Variants in FAM210A observed in about 807,000 individuals in gnomAD.
FAM210A encodes mitochondrial inner membrane scaffold 1, also known as family with sequence similarity 210 member A.
A neutral mutation model predicts 25.3 loss-of-function variants in FAM210A; 13 were observed. That is an observed-to-expected ratio of 0.51 (90% CI 0.33 to 0.82). The LOEUF is 0.82. Ranked by LOEUF, FAM210A falls within the 40% of genes least tolerant of loss-of-function variation. The pLI is 0.02. For missense variants in FAM210A, 319 were observed against 323.2 expected (o/e 0.99, Z 0.10); for synonymous variants, 125 against 118.7 (o/e 1.05, Z -0.35).
chr18:13,681,452 GTTAGCTA>G (rs1236825882), intron 2 of FAM210A, among the ~76,000 whole-genome samples, 146 bp downstream of exon 2: 2 of 152,174 alleles, frequency 1.3e-5, no homozygotes, highest in Non-Finnish European at 2.9e-5. Flanking sequence ...GTAAGCAAAT[GTTAGCTA>G]TTATTATTAA....
intron 1 of FAM210A, among the ~76,000 whole-genome samples, chr18:13,684,831 TA>T (rs2043583308): frequency 6.6e-6 from 1 of 151,980 alleles, no homozygotes; most frequent in South Asian, 2.1e-4. Context: ...TAACAAATTC[TA>T]AAAAATGAAA....
chr18:13,712,543 A>G (rs976262201), intron 1 of FAM210A, among the ~76,000 whole-genome samples: 1 of 152,152 alleles, frequency 6.6e-6, no homozygotes, highest in Admixed American at 6.5e-5. Flanking sequence ...TGATTAGGTC[A>G]TGAGGGCAGA....
chr18:13,699,776 G>A (rs1288519614), intron 1 of FAM210A, among the ~76,000 whole-genome samples: 1 of 152,178 alleles, frequency 6.6e-6, no homozygotes, highest in Non-Finnish European at 1.5e-5. Flanking sequence ...AGCTGGTTAA[G>A]TGTCTAGCAC....
chr18:13,691,722 A>T (rs1372840831), intron 1 of FAM210A, among the ~76,000 whole-genome samples: 2 of 148,452 alleles, frequency 1.3e-5, no homozygotes, highest in Non-Finnish European at 3.0e-5. Context: ...TGTCACCACC[A>T]GGCCTGCCTT....
chr18:13,694,652 C>G (rs1409551946), intron 1 of FAM210A, among the ~76,000 whole-genome samples: 2 of 152,196 alleles, frequency 1.3e-5, no homozygotes, highest in East Asian at 3.8e-4. Flanking sequence ...GCTGGGAAAA[C>G]TGGCTAGCCA....
At chr18:13,718,794 T>C (rs183244353) in intron 1 of FAM210A, among the ~76,000 whole-genome samples, 237 of 152,340 alleles carry the variant, frequency 1.6e-3, no homozygotes, top group African/African-American at 5.3e-3. Flanking sequence ...AAATTATACA[T>C]ATATTTTACA....
chr18:13,666,691 G>A lies in FAM210A; in HGVS notation c.608C>T (p.Thr203Ile). 1 of 1,613,852 alleles carries A rather than the reference G, an allele frequency of 6.2e-7. No homozygotes were observed. The highest frequency in any genetic ancestry group is 1.1e-5 in the South Asian group (1 of 91,026). The change falls in exon 4 of 4, where the codon ACC becomes ATC. Residue 203 changes from threonine (T) to isoleucine (I), a missense_variant. By Grantham distance (89) the Thr-to-Ile change is moderately conservative (BLOSUM62 -1). Transcript: ENST00000651643. ...GACAGATGTTCCTCCCAAAGTCACG[G>A]TATACCGAGCAGGTGTTGCAATCTT... Reference protein sequence around the residue: ...LFKIATPARYTVTLGGTSVTV... With the variant: ...LFKIATPARYIVTLGGTSVTV...
intron 1 of FAM210A, among the ~76,000 whole-genome samples, chr18:13,689,689 G>A (rs1045148573): frequency 6.6e-6 from 1 of 152,128 alleles, no homozygotes; most frequent in Non-Finnish European, 1.5e-5. Flanking sequence ...AATTTAAAAA[G>A]TATACCGATT....
At chr18:13,671,670 CAA>C (rs2043443421) in intron 3 of FAM210A, among the ~76,000 whole-genome samples, 190 bp downstream of exon 3, 1 of 132,454 alleles carries the variant, frequency 7.5e-6, no homozygotes, top group Non-Finnish European at 1.6e-5. Context: ...GCCTGGCAAA[CAA>C]GAGCGAAACT....
Position 13,667,158 on chromosome 18 carries a change from C to T in FAM210A, c.586-445G>A, listed in dbSNP as rs1163538188. Among the ~76,000 whole-genome samples the T allele has an allele frequency of 3.3e-5, 5 of 152,202 alleles. No individual in the cohort carries two copies. In the South Asian group the frequency reaches 1.0e-3, roughly 31 times the overall value. On this transcript the variant is annotated intron_variant, in intron 3 of 3. Coordinates refer to ENST00000651643, the MANE Select transcript of FAM210A (RefSeq NM_152352.4). ...AATGGTGAGAGGCAGAGCATGAAAC[C>T]ACTCTCTGTTGGGATTTAGGTTAGC... is the stretch of plus-strand genomic sequence containing the variant.
intron 1 of FAM210A, among the ~76,000 whole-genome samples, chr18:13,686,992 A>T (rs1041102021): frequency 6.6e-6 from 1 of 152,234 alleles, no homozygotes. Flanking sequence ...TCTTATCAAC[A>T]TAGAAAGTAA....
intron 1 of FAM210A, among the ~76,000 whole-genome samples, chr18:13,707,296 T>C (rs910072721): frequency 6.6e-6 from 1 of 152,218 alleles, no homozygotes; most frequent in Non-Finnish European, 1.5e-5. Context: ...ACTGAGCTCA[T>C]GCACTAGGCC....
At chr18:13,686,863 AT>A (rs1293327064) in intron 1 of FAM210A, among the ~76,000 whole-genome samples, 1 of 152,238 alleles carries the variant, frequency 6.6e-6, no homozygotes, top group African/African-American at 2.4e-5. Flanking sequence ...TAAGGAAAAA[AT>A]AATACAATTC....
Position 13,666,653 on chromosome 18 carries a change from G to T in FAM210A, c.646C>A (p.Leu216Met). 1 of 1,614,210 alleles carries T rather than the reference G, an allele frequency of 6.2e-7. No homozygotes were observed. Among genetic ancestry groups the T allele is most frequent in the Non-Finnish European group, 8.5e-7 (1 of 1,180,050 alleles). ...LGGTSVTVKY[L>M]RSHGYMSTPP... ...GTGGACATGTAGCCATGACTGCGCA[G>T]ATACTTCACAGTGACAGATGTTCCT... The change falls in exon 4 of 4, where the codon CTG (leucine) becomes ATG (methionine). Residue 216 changes from leucine to methionine, a missense_variant. Coordinates refer to ENST00000651643, the MANE Select transcript of FAM210A (RefSeq NM_152352.4).
intron 1 of FAM210A, chr18:13,715,071 T>C (rs1371863050): frequency 6.6e-6 from 1 of 152,148 alleles, no homozygotes; most frequent in African/African-American, 2.4e-5. Flanking sequence ...TATAATCTTA[T>C]ACATAAATAT....
rs531500086 is a variant in FAM210A, at chr18:13,665,066, G to A, written c.*1414C>T. 1 of 152,692 alleles carries A rather than the reference G, an allele frequency of 6.5e-6. No homozygotes were observed. The highest frequency in any genetic ancestry group is 1.9e-4 in the East Asian group (1 of 5,180). The allele number at this position is 152,692 out of a possible 1,614,324, so 9.5% of individuals were successfully genotyped here. On this transcript the variant is annotated 3_prime_UTR_variant, in exon 4 of 4. Coordinates refer to ENST00000651643, the MANE Select transcript of FAM210A (RefSeq NM_152352.4). ...ATTACAAGCAAATGATTTAATGATA[G>A]CTTTGTTAAGATGGTGAAACCCCAT...
intron 1 of FAM210A, among the ~76,000 whole-genome samples, chr18:13,706,120 T>G (rs2149066928): frequency 6.6e-6 from 1 of 152,292 alleles, no homozygotes; most frequent in African/African-American, 2.4e-5. Flanking sequence ...ACCTTGTATT[T>G]TGGCTTCATA....
chr18:13,698,083 T>C (rs563187233), intron 1 of FAM210A, among the ~76,000 whole-genome samples: 1 of 152,238 alleles, frequency 6.6e-6, no homozygotes, highest in Admixed American at 6.5e-5. Context: ...CCGGGCGTGG[T>C]GGCTCACGCC....
intron 3 of FAM210A, among the ~76,000 whole-genome samples, chr18:13,671,306 A>G (rs1048267147): frequency 1.3e-5 from 2 of 152,170 alleles, no homozygotes; most frequent in Admixed American, 1.3e-4. Context: ...AACAAAAAAC[A>G]GTAAAATAAA....
Sources: gnomAD v4.1 joint callset for allele counts (sites outside exome capture counted in the v4.1 genomes callset) on GRCh38, gnomAD v4.1.1 for gene constraint, MANE v1.5 for transcripts, NCBI Gene and HGNC (gene_info 2026-07-23, HGNC 2026-07-21) for gene names.